Variants in ANKRD36B observed in about 807,000 individuals in gnomAD.
ANKRD36B encodes the protein ankyrin repeat domain-containing protein 36B.
ANKRD36B carries 37 observed loss-of-function variants against 135.7 expected under a neutral mutation model. The ratio of observed to expected loss-of-function variants is 0.27; its 90% CI spans 0.21 to 0.36. The LOEUF is 0.36. ANKRD36B is among the 10% of genes least tolerant of loss of function. The pLI, the probability that ANKRD36B is intolerant of heterozygous loss-of-function variation, is 1.00. For synonymous variants in ANKRD36B, 179 were observed against 348.1 expected (o/e 0.51, Z 5.41); for missense variants, 549 against 1,037.1 (o/e 0.53, Z 6.46).
intron 22 of ANKRD36B, chr2:97,547,188 G>A (rs1311478898): frequency 7.9e-6 from 2 of 254,658 alleles, no homozygotes; most frequent in African/African-American, 4.6e-5. Context: ...AGTATGATCT[G>A]AAGTGTGTAA....
At chr2:97,561,268 G>A (rs191142793) in intron 6 of ANKRD36B, among the ~76,000 whole-genome samples, 175 of 151,896 alleles carry the variant, frequency 1.2e-3, no homozygotes, top group Non-Finnish European at 2.2e-3. Flanking sequence ...AGAATGATTT[G>A]GAATATTTTA....
rs1227913712 is a variant in ANKRD36B, at chr2:97,524,525, G to A, written c.2266-1058C>T. ...CTGGCAAGCATATTCTGGAGACCCA[G>A]AGTATGAATGAGAAAGAAAGGCATT... On this transcript the variant is annotated intron_variant, in intron 35 of 43. Transcript: ENST00000359901. 3.1e-5 allele frequency: 3 copies of A among 95,844 alleles called. 1 individual carries two copies. Among genetic ancestry groups the A allele is most frequent in the African/African-American group, 6.3e-5 (2 of 31,952 alleles). 5.9% of individuals were successfully genotyped at this position (95,844 alleles called of 1,614,324 possible).
At chr2:97,575,214 G>A (rs878912578) in intron 6 of ANKRD36B, among the ~76,000 whole-genome samples, 1 of 152,112 alleles carries the variant, frequency 6.6e-6, no homozygotes, top group East Asian at 1.9e-4. Flanking sequence ...CCTGGGGGTG[G>A]GGAGGGAAAG....
intron 14 of ANKRD36B, among the ~76,000 whole-genome samples, chr2:97,554,585 T>TC (rs1396748182): frequency 6.6e-6 from 1 of 151,948 alleles, no homozygotes; most frequent in African/African-American, 2.4e-5. Flanking sequence ...TTTCCCTCCT[T>TC]CCTGCCTCAC....
At chr2:97,559,362 G>A (rs796101358) in intron 8 of ANKRD36B, among the ~76,000 whole-genome samples, 1 of 151,894 alleles carries the variant, frequency 6.6e-6, no homozygotes, top group Non-Finnish European at 1.5e-5. Context: ...TGTCTTTCTT[G>A]CAAGAAATCA....
At chr2:97,549,023 C>A (rs1455553853) in intron 20 of ANKRD36B, among the ~76,000 whole-genome samples, 2 of 151,886 alleles carry the variant, frequency 1.3e-5, no homozygotes, top group Admixed American at 1.3e-4. Flanking sequence ...CGGGTTATTA[C>A]AACAAGTTTG....
At chr2:97,568,406 T>A (rs559593744) in intron 6 of ANKRD36B, among the ~76,000 whole-genome samples, 1 of 152,290 alleles carries the variant, frequency 6.6e-6, no homozygotes, top group African/African-American at 2.4e-5. Context: ...CAAGGATCCC[T>A]GCAAAGACTT....
intron 26 of ANKRD36B, among the ~76,000 whole-genome samples, chr2:97,543,245 T>C (rs1409213588): frequency 6.8e-6 from 1 of 146,386 alleles, no homozygotes; most frequent in African/African-American, 2.5e-5. Flanking sequence ...GCCTCTGAAG[T>C]GAGTCCACTC....
chr2:97,563,134 A>G (rs2081173211), intron 6 of ANKRD36B, among the ~76,000 whole-genome samples: 1 of 152,054 alleles, frequency 6.6e-6, no homozygotes, highest in Non-Finnish European at 1.5e-5. Context: ...CAGAGAAATA[A>G]GCTCTGAAAT....
At chr2:97,582,297 G>A (rs1430762148) in intron 3 of ANKRD36B, among the ~76,000 whole-genome samples, 11 of 151,742 alleles carry the variant, frequency 7.2e-5, no homozygotes, top group South Asian at 2.1e-4. Flanking sequence ...AGTTCAACCC[G>A]ATTACCAAAG....
At chr2:97,548,312 C>T (rs1327674284) in intron 20 of ANKRD36B, among the ~76,000 whole-genome samples, 1 of 151,846 alleles carries the variant, frequency 6.6e-6, no homozygotes, top group Non-Finnish European at 1.5e-5. Context: ...ATCTCTCACA[C>T]CCATATGGTG....
intron 18 of ANKRD36B, among the ~76,000 whole-genome samples, chr2:97,550,518 T>TTTATA (rs1324690188): frequency 6.6e-6 from 1 of 151,838 alleles, no homozygotes; most frequent in Admixed American, 6.6e-5. Context: ...AACAGCTATT[T>TTTATA]TATACAAGAG....
At chr2:97,564,460 T>G (rs1181372577) in intron 6 of ANKRD36B, among the ~76,000 whole-genome samples, 1 of 152,190 alleles carries the variant, frequency 6.6e-6, no homozygotes, top group Non-Finnish European at 1.5e-5. Flanking sequence ...CCCATGCCTA[T>G]GTCCTGAATG....
At chr2:97,554,137 AG>A (rs1371578741) in intron 14 of ANKRD36B, among the ~76,000 whole-genome samples, 2 of 151,884 alleles carry the variant, frequency 1.3e-5, no homozygotes, top group Non-Finnish European at 2.9e-5. Context: ...GATATTAATA[AG>A]CTTTTATATT....
intron 5 of ANKRD36B, among the ~76,000 whole-genome samples, chr2:97,577,055 T>A (rs1440393248): frequency 2.0e-5 from 3 of 152,068 alleles, no homozygotes; most frequent in Non-Finnish European, 4.4e-5. Context: ...AACTATTTCA[T>A]AATTCATAAA....
chr2:97,574,796 CCA>C (rs1267284150), intron 6 of ANKRD36B, among the ~76,000 whole-genome samples: 3 of 151,908 alleles, frequency 2.0e-5, no homozygotes, highest in Non-Finnish European at 4.4e-5. Flanking sequence ...GATAAGAAGA[CCA>C]CAGTTTTTCT....
intron 22 of ANKRD36B, among the ~76,000 whole-genome samples, chr2:97,546,624 T>C (rs1056856440): frequency 2.0e-5 from 3 of 151,766 alleles, no homozygotes; most frequent in Non-Finnish European, 4.4e-5. Context: ...ATTAATCAGT[T>C]TTTCATTCAG....
rs776446511 is a variant in ANKRD36B, at chr2:97,536,301, T to A, written c.2190A>T (p.Pro730=). ...TTAAATCTACAATGCAAAGTTTACC[T>A]GGTGTGGATGTTTGTACCTCCTTCA... ...TKMKEVQTST[P]AEQDLEMASE... The change falls in exon 34 of 44, where the codon CCA becomes CCT. Residue 730 remains proline, a splice_region_variant and synonymous_variant. Coordinates refer to ENST00000359901, the MANE Select transcript of ANKRD36B (RefSeq NM_001393939.1). The A allele has an allele frequency of 6.9e-5, 64 of 927,840 alleles. 24 individuals carry two copies. Among genetic ancestry groups the A allele is most frequent in the Non-Finnish European group, 9.4e-5 (58 of 615,998 alleles). 57.5% of individuals were successfully genotyped at this position (927,840 alleles called of 1,614,324 possible). A position where few individuals can be genotyped will look rare whatever the true frequency, so the allele number is the denominator to read the frequency against.
chr2:97,577,065 ATAAAT>A (rs1005925859), intron 5 of ANKRD36B, among the ~76,000 whole-genome samples: 12 of 152,178 alleles, frequency 7.9e-5, no homozygotes, highest in African/African-American at 1.2e-4. Context: ...TAATTCATAA[ATAAAT>A]TAATTTATGA....
Sources: gnomAD v4.1 joint callset for allele counts (sites outside exome capture counted in the v4.1 genomes callset) on GRCh38, gnomAD v4.1.1 for gene constraint, MANE v1.5 for transcripts, NCBI Gene and HGNC (gene_info 2026-07-23, HGNC 2026-07-21) for gene names.